Variants in BCAR3 observed in about 807,000 individuals in gnomAD.
BCAR3 encodes the protein BCAR3 adaptor protein, NSP family member.
A neutral mutation model predicts 80.1 loss-of-function variants in BCAR3; 37 were observed. That is an observed-to-expected ratio of 0.46 (90% CI 0.36 to 0.61). The LOEUF (loss-of-function observed/expected upper bound fraction) is 0.61. Ranked by LOEUF, BCAR3 falls within the 20% of genes least tolerant of loss-of-function variation. BCAR3 has a pLI of 0.00. For synonymous variants in BCAR3, 389 were observed against 418.9 expected (o/e 0.93, Z 0.87); for missense variants, 978 against 1,068.2 (o/e 0.92, Z 1.18).
chr1:93,587,958 T>C (rs1029542365), intron 5 of BCAR3, among the ~76,000 whole-genome samples: 3 of 152,054 alleles, frequency 2.0e-5, no homozygotes, highest in Admixed American at 2.0e-4. Context: ...TTAGGATCAG[T>C]GAGGTTTTGA....
At chr1:93,628,475 C>A (rs1675514347) in intron 3 of BCAR3, among the ~76,000 whole-genome samples, 1 of 152,188 alleles carries the variant, frequency 6.6e-6, no homozygotes, top group East Asian at 1.9e-4. Flanking sequence ...TCACCTTCTG[C>A]CACTCTAACA....
chr1:93,706,540 G>A (rs970872433), intron 2 of BCAR3, among the ~76,000 whole-genome samples: 1 of 152,130 alleles, frequency 6.6e-6, no homozygotes, highest in Non-Finnish European at 1.5e-5. Flanking sequence ...GAGCCAGATC[G>A]TCTGGGTTTG....
At chr1:93,722,177 G>C (rs996428693) in intron 2 of BCAR3, among the ~76,000 whole-genome samples, 4 of 152,172 alleles carry the variant, frequency 2.6e-5, no homozygotes, top group Non-Finnish European at 5.9e-5. Flanking sequence ...GGGCCTGGGG[G>C]TGACCTGGCT....
At chr1:93,662,356 C>G (rs1327428887) in intron 2 of BCAR3, among the ~76,000 whole-genome samples, 2 of 152,196 alleles carry the variant, frequency 1.3e-5, no homozygotes, top group Admixed American at 6.5e-5. Flanking sequence ...CCCATACTTT[C>G]ATTTGTAATG....
intron 3 of BCAR3, among the ~76,000 whole-genome samples, chr1:93,599,924 T>C (rs1462040287): frequency 6.6e-6 from 1 of 152,182 alleles, no homozygotes; most frequent in Non-Finnish European, 1.5e-5. Flanking sequence ...TTACTGTTCT[T>C]TTCTCCTAGA....
intron 2 of BCAR3, among the ~76,000 whole-genome samples, chr1:93,767,112 A>C (rs1416878883): frequency 6.6e-6 from 1 of 152,242 alleles, no homozygotes; most frequent in Non-Finnish European, 1.5e-5. Context: ...ATCTGGTACG[A>C]GACTATCAAG....
At chr1:93,757,258 T>G (rs58880811) in intron 2 of BCAR3, among the ~76,000 whole-genome samples, 17,152 of 152,196 alleles carry the variant, frequency 0.11, 1,340 homozygotes, top group African/African-American at 0.21. Flanking sequence ...CCAAAGAAGT[T>G]GGGCCAGGCC....
At chr1:93,601,931 T>C (rs1674636621) in intron 3 of BCAR3, among the ~76,000 whole-genome samples, 1 of 152,114 alleles carries the variant, frequency 6.6e-6, no homozygotes, top group Non-Finnish European at 1.5e-5. Context: ...TTTCTTCAGT[T>C]TTGGAACAGT....
chr1:93,648,053 T>C (rs886069603), intron 2 of BCAR3, among the ~76,000 whole-genome samples: 3 of 152,154 alleles, frequency 2.0e-5, no homozygotes, highest in African/African-American at 4.8e-5. Context: ...GGATTACAGA[T>C]GTGAGCCACC....
intron 3 of BCAR3, among the ~76,000 whole-genome samples, chr1:93,691,270 G>T (rs1297392729): frequency 6.6e-6 from 1 of 152,210 alleles, no homozygotes; most frequent in East Asian, 1.9e-4. Context: ...TTATAGAAAT[G>T]ATAGTGGTAA....
chr1:93,563,006 A>G (rs1672766214), intron 11 of BCAR3, among the ~76,000 whole-genome samples: 1 of 152,160 alleles, frequency 6.6e-6, no homozygotes, highest in African/African-American at 2.4e-5. Context: ...CACTGTGGGA[A>G]GTAGTGCTGT....
intron 1 of BCAR3, among the ~76,000 whole-genome samples, chr1:93,679,310 T>C (rs1186066196): frequency 2.6e-5 from 4 of 152,216 alleles, no homozygotes; most frequent in African/African-American, 9.7e-5. Context: ...TCTGTTATAC[T>C]GAGGGTTCAC....
intron 2 of BCAR3, among the ~76,000 whole-genome samples, chr1:93,838,636 G>A (rs1041854144): frequency 6.6e-6 from 1 of 152,116 alleles, no homozygotes; most frequent in African/African-American, 2.4e-5. Flanking sequence ...TTTATAGTCT[G>A]CTACTGAAGA....
intron 2 of BCAR3, among the ~76,000 whole-genome samples, chr1:93,745,675 G>A (rs1240677922): frequency 6.6e-6 from 1 of 152,154 alleles, no homozygotes; most frequent in African/African-American, 2.4e-5. Context: ...GTGGGGTGGG[G>A]AGGCAGGGGT....
At chr1:93,706,518 G>T (rs1649832671) in intron 2 of BCAR3, among the ~76,000 whole-genome samples, 1 of 152,136 alleles carries the variant, frequency 6.6e-6, no homozygotes, top group South Asian at 2.1e-4. Flanking sequence ...TGTGATTACA[G>T]CACAGACTCT....
intron 2 of BCAR3, among the ~76,000 whole-genome samples, chr1:93,707,119 G>A (rs1649854493): frequency 6.6e-6 from 1 of 152,042 alleles, no homozygotes. Context: ...AGTTTGCAGT[G>A]AGCTGAGATC....
intron 2 of BCAR3, among the ~76,000 whole-genome samples, chr1:93,642,978 A>G (rs1222881925): frequency 6.6e-6 from 1 of 152,230 alleles, no homozygotes; most frequent in Non-Finnish European, 1.5e-5. Context: ...CTGTAATCCC[A>G]GCACTTTGGG....
intron 2 of BCAR3, among the ~76,000 whole-genome samples, chr1:93,757,633 C>T (rs2100720472): frequency 6.6e-6 from 1 of 152,348 alleles, no homozygotes; most frequent in South Asian, 2.1e-4. Flanking sequence ...GAGGGCTAGG[C>T]AGGCATCCTC....
At chr1:93,797,209 G>A (rs2100783065) in intron 2 of BCAR3, among the ~76,000 whole-genome samples, 1 of 152,248 alleles carries the variant, frequency 6.6e-6, no homozygotes. Flanking sequence ...TCCCTCGTTA[G>A]CCAGGCAGTT....
Sources: gnomAD v4.1 joint callset for allele counts (sites outside exome capture counted in the v4.1 genomes callset) on GRCh38, gnomAD v4.1.1 for gene constraint, MANE v1.5 for transcripts, NCBI Gene and HGNC (gene_info 2026-07-23, HGNC 2026-07-21) for gene names.